PPM1L: variants seen among roughly 807,000 people sequenced by gnomAD.
PPM1L encodes the protein protein phosphatase 1L.
A neutral mutation model predicts 31.4 loss-of-function variants in PPM1L; 13 were observed. The observed-to-expected ratio is 0.41, with a 90% confidence interval of 0.27 to 0.66. PPM1L has a LOEUF of 0.66. Among genes scored for constraint, PPM1L ranks in the 30% least tolerant of loss-of-function variants. The probability of loss-of-function intolerance (pLI) is 0.29; values close to 1 mark genes in which losing one functional copy is unlikely to be tolerated. For synonymous variants in PPM1L, 184 were observed against 175.4 expected (o/e 1.05, Z -0.39); for missense variants, 326 against 453.7 (o/e 0.72, Z 2.56).
intron 1 of PPM1L, among the ~76,000 whole-genome samples, chr3:160,839,377 G>T (rs1297592043): frequency 6.6e-6 from 1 of 152,120 alleles, no homozygotes; most frequent in African/African-American, 2.4e-5. Flanking sequence ...CTAGGAGTGG[G>T]TGGGGAACTC....
At chr3:160,875,240 T>C (rs1044436637) in intron 1 of PPM1L, among the ~76,000 whole-genome samples, 2 of 152,240 alleles carry the variant, frequency 1.3e-5, no homozygotes, top group Non-Finnish European at 2.9e-5. Flanking sequence ...TTATTTAGTT[T>C]CACATTTTTG....
Position 161,075,703 on chromosome 3 carries a change from T to TG in PPM1L, c.*6546_*6547insG, listed in dbSNP as rs149731860. 2.1e-3 allele frequency: 327 copies of TG among 152,268 alleles called. No homozygotes were observed. The highest frequency in any genetic ancestry group is 7.6e-3 in the African/African-American group (316 of 41,554). The allele number at this position is 152,268 out of a possible 1,614,324, so 9.4% of individuals were successfully genotyped here. On this transcript the variant is annotated 3_prime_UTR_variant, in exon 4 of 4. Transcript: ENST00000498165. ...TAATATAAAAGGAAATATTTTAAAT[T>TG]AAGAAAAGGAGGTGTTATAGTTTAT...
intron 1 of PPM1L, among the ~76,000 whole-genome samples, chr3:160,768,627 A>G (rs186523594): frequency 2.6e-4 from 39 of 152,296 alleles, no homozygotes; most frequent in Admixed American, 1.6e-3. Flanking sequence ...TCTGGCAATA[A>G]GGAAATGTCC....
At chr3:160,938,902 G>A (rs148428198) in intron 1 of PPM1L, among the ~76,000 whole-genome samples, 9 of 152,314 alleles carry the variant, frequency 5.9e-5, no homozygotes, top group Non-Finnish European at 4.4e-5. Context: ...TGCAAAAACA[G>A]CATGCCTTAC....
chr3:161,009,065 G>A (rs1393172275), intron 2 of PPM1L, among the ~76,000 whole-genome samples: 2 of 152,202 alleles, frequency 1.3e-5, no homozygotes, highest in Non-Finnish European at 2.9e-5. Context: ...GGGAAGAAAA[G>A]CCAGTGCCAG....
intron 2 of PPM1L, among the ~76,000 whole-genome samples, chr3:161,003,296 G>T (rs1371419965): frequency 6.7e-6 from 1 of 148,974 alleles, no homozygotes; most frequent in African/African-American, 2.5e-5. Context: ...TTGTTCTTTT[G>T]GCTTAGGATT....
intron 1 of PPM1L, among the ~76,000 whole-genome samples, chr3:160,867,743 C>T (rs150058396): frequency 0.024 from 3,615 of 152,160 alleles, 79 homozygotes; most frequent in South Asian, 0.038. Flanking sequence ...ATGCAGCAGA[C>T]ACAGTGCAAG....
intron 1 of PPM1L, among the ~76,000 whole-genome samples, chr3:160,846,392 T>G (rs1478015660): frequency 2.0e-5 from 3 of 152,098 alleles, no homozygotes; most frequent in African/African-American, 7.2e-5. Context: ...GGCCTTTCTG[T>G]CTTGGGAAAT....
chr3:160,840,922 T>C (rs1435509565), intron 1 of PPM1L, among the ~76,000 whole-genome samples: 1 of 152,198 alleles, frequency 6.6e-6, no homozygotes, highest in East Asian at 1.9e-4. Flanking sequence ...TCTTCCTTAT[T>C]GAGTCGACTG....
At chr3:160,900,584 G>T (rs550972807) in intron 1 of PPM1L, among the ~76,000 whole-genome samples, 1 of 151,794 alleles carries the variant, frequency 6.6e-6, no homozygotes, top group South Asian at 2.1e-4. Context: ...AATAATATGA[G>T]ATTTTATTTC....
intron 2 of PPM1L, among the ~76,000 whole-genome samples, chr3:161,051,730 C>G (rs1167559661): frequency 6.6e-6 from 1 of 152,066 alleles, no homozygotes; most frequent in East Asian, 1.9e-4. Context: ...TACATGATAG[C>G]ATAGTCTTTA....
intron 1 of PPM1L, among the ~76,000 whole-genome samples, chr3:160,926,402 A>G (rs570722116): frequency 6.6e-6 from 1 of 152,206 alleles, no homozygotes; most frequent in Non-Finnish European, 1.5e-5. Context: ...ATGAAAGCTG[A>G]TAAATAGTAA....
chr3:160,875,183 C>G (rs1313093998), intron 1 of PPM1L, among the ~76,000 whole-genome samples: 1 of 152,050 alleles, frequency 6.6e-6, no homozygotes, highest in African/African-American at 2.4e-5. Context: ...TAGAATTATG[C>G]CTTCAGACTC....
intron 1 of PPM1L, among the ~76,000 whole-genome samples, chr3:160,903,216 G>GTTATGTGTGTATGTT (rs1560145230): frequency 1.6e-5 from 2 of 126,306 alleles, no homozygotes; most frequent in African/African-American, 6.5e-5. Flanking sequence ...GTTTGTGTGT[G>GTTATGTGTGTATGTT]TGTGTGTGTG....
chr3:160,833,524 T>G (rs1214202919), intron 1 of PPM1L, among the ~76,000 whole-genome samples: 1 of 152,242 alleles, frequency 6.6e-6, no homozygotes, highest in Non-Finnish European at 1.5e-5. Flanking sequence ...ATTTCTCTAA[T>G]GATCAGTGAT....
chr3:160,759,125 C>T (rs1028565682), intron 1 of PPM1L, among the ~76,000 whole-genome samples: 1 of 152,154 alleles, frequency 6.6e-6, no homozygotes, highest in African/African-American at 2.4e-5. Context: ...GCTCCTTTAA[C>T]ATTCACCAGA....
At chr3:161,030,886 A>G (rs1718545467) in intron 2 of PPM1L, among the ~76,000 whole-genome samples, 1 of 152,204 alleles carries the variant, frequency 6.6e-6, no homozygotes, top group Admixed American at 6.5e-5. Context: ...TTCCTTTGGT[A>G]TACTCCACCA....
At chr3:160,897,760 G>A (rs1206076906) in intron 1 of PPM1L, among the ~76,000 whole-genome samples, 1 of 152,248 alleles carries the variant, frequency 6.6e-6, no homozygotes, top group Non-Finnish European at 1.5e-5. Flanking sequence ...TGGATGCAGG[G>A]AAATAGCAGA....
chr3:160,813,588 C>A (rs1001880705), intron 1 of PPM1L, among the ~76,000 whole-genome samples: 1 of 152,136 alleles, frequency 6.6e-6, no homozygotes, highest in African/African-American at 2.4e-5. Context: ...GATCCACCTG[C>A]CTCAGCCACC....
Sources: allele counts gnomAD v4.1 joint callset (sites outside exome capture counted in the v4.1 genomes callset), GRCh38; gene constraint gnomAD v4.1.1; transcripts MANE v1.5; gene names NCBI Gene and HGNC (gene_info 2026-07-23, HGNC 2026-07-21).